The following NTNG1 variants were observed in gnomAD, a reference collection of about 807,000 sequenced individuals.
NTNG1 encodes netrin-G1.
Under a neutral mutation model 54.0 loss-of-function variants are expected in NTNG1, and 16 were observed. The ratio of observed to expected loss-of-function variants is 0.30; its 90% CI spans 0.20 to 0.45. The LOEUF is 0.45. NTNG1 is among the 20% of genes least tolerant of loss of function. The pLI is 1.00. For synonymous variants in NTNG1, 255 were observed against 263.1 expected (o/e 0.97, Z 0.30); for missense variants, 530 against 678.7 (o/e 0.78, Z 2.43).
At chr1:107,281,262 C>T (rs958999169) in intron 2 of NTNG1, among the ~76,000 whole-genome samples, 4 of 151,994 alleles carry the variant, frequency 2.6e-5, no homozygotes, top group African/African-American at 4.8e-5. Flanking sequence ...CTTCAGAGCC[C>T]CCAGTAGAGT....
intron 2 of NTNG1, among the ~76,000 whole-genome samples, chr1:107,314,292 G>C (rs1249124568): frequency 6.6e-6 from 1 of 152,070 alleles, no homozygotes; most frequent in Non-Finnish European, 1.5e-5. Flanking sequence ...CCAGCTACTC[G>C]GGAGGCTGAG....
At chr1:107,283,372 C>T (rs758783218) in intron 2 of NTNG1, among the ~76,000 whole-genome samples, 1 of 152,150 alleles carries the variant, frequency 6.6e-6, no homozygotes, top group Admixed American at 6.6e-5. Context: ...TGGGGCAACT[C>T]CTAACAGAGC....
At chr1:107,416,816 C>T (rs1674236234) in intron 5 of NTNG1, among the ~76,000 whole-genome samples, 1 of 152,006 alleles carries the variant, frequency 6.6e-6, no homozygotes, top group African/African-American at 2.4e-5. Context: ...TTGCAAACAT[C>T]ACCTCCACTT....
intron 3 of NTNG1, among the ~76,000 whole-genome samples, chr1:107,332,422 A>G (rs114996154): frequency 1.3e-3 from 192 of 152,224 alleles, no homozygotes; most frequent in African/African-American, 4.5e-3. Flanking sequence ...TCCCTCATTT[A>G]ACTTAGCATT....
At chr1:107,268,737 G>A (rs571082558) in intron 2 of NTNG1, among the ~76,000 whole-genome samples, 4 of 152,240 alleles carry the variant, frequency 2.6e-5, no homozygotes, top group African/African-American at 9.6e-5. Flanking sequence ...AAGATGAAAT[G>A]TCCAATTCCC....
chr1:107,400,777 T>A (rs556331674), intron 4 of NTNG1, among the ~76,000 whole-genome samples: 1 of 152,034 alleles, frequency 6.6e-6, no homozygotes, highest in Non-Finnish European at 1.5e-5. Flanking sequence ...GCCTCCCAAG[T>A]AGCTGGGATT....
chr1:107,242,374 T>G (rs1474370362), intron 2 of NTNG1, among the ~76,000 whole-genome samples: 1 of 152,162 alleles, frequency 6.6e-6, no homozygotes, highest in East Asian at 1.9e-4. Context: ...TTTCTATATA[T>G]GCATATATTA....
chr1:107,342,124 G>A (rs1173473671), intron 3 of NTNG1, among the ~76,000 whole-genome samples: 1 of 152,014 alleles, frequency 6.6e-6, no homozygotes, highest in African/African-American at 2.4e-5. Context: ...TTTATATTGA[G>A]TATATCCTAT....
At chr1:107,145,880 C>T (rs536696232) in intron 1 of NTNG1, among the ~76,000 whole-genome samples, 2 of 151,880 alleles carry the variant, frequency 1.3e-5, no homozygotes, top group South Asian at 2.1e-4. Flanking sequence ...AATGAGAATT[C>T]GTTATATTGG....
At chr1:107,468,341 G>T (rs1274889277) in intron 7 of NTNG1, among the ~76,000 whole-genome samples, 1 of 152,116 alleles carries the variant, frequency 6.6e-6, no homozygotes. Flanking sequence ...CAAAGGCATT[G>T]AAATTCTGCC....
chr1:107,197,660 T>G (rs1483699291), intron 2 of NTNG1, among the ~76,000 whole-genome samples: 1 of 151,952 alleles, frequency 6.6e-6, no homozygotes, highest in Non-Finnish European at 1.5e-5. Flanking sequence ...CTCCACTGGT[T>G]TTCCCTACAG....
intron 2 of NTNG1, among the ~76,000 whole-genome samples, chr1:107,152,533 G>T (rs1047827997): frequency 6.6e-6 from 1 of 152,138 alleles, no homozygotes; most frequent in Non-Finnish European, 1.5e-5. Context: ...CTAATTTTCT[G>T]GATAAGTTAA....
At chr1:107,265,554 A>G (rs1233840680) in intron 2 of NTNG1, among the ~76,000 whole-genome samples, 2 of 152,174 alleles carry the variant, frequency 1.3e-5, no homozygotes, top group African/African-American at 4.8e-5. Context: ...TAAATGTCAT[A>G]TGCAGATTCT....
intron 2 of NTNG1, among the ~76,000 whole-genome samples, chr1:107,183,009 G>A (rs1027747560): frequency 6.6e-6 from 1 of 152,258 alleles, no homozygotes; most frequent in African/African-American, 2.4e-5. Context: ...GGGATGATTT[G>A]TTTTGAGTAG....
rs929694939 is a variant in NTNG1, at chr1:107,296,856, A to G, written c.247-27426A>G. On this transcript the variant is annotated intron_variant, in intron 2 of 7. Coordinates refer to ENST00000370068, the MANE Select transcript of NTNG1 (RefSeq NM_001113226.3). ...AACTAAGGATGATTATAAAAAGATA[A>G]TCAGAGTACTTACCCTACAGGTTCC... Among the ~76,000 whole-genome samples, 4 of 149,224 alleles carry G rather than the reference A, an allele frequency of 2.7e-5. No individual in the cohort carries two copies. The East Asian group carries it at 5.8e-4, about 22-fold the overall frequency.
At chr1:107,173,332 G>A (rs910224021) in intron 2 of NTNG1, among the ~76,000 whole-genome samples, 15 of 152,028 alleles carry the variant, frequency 9.9e-5, no homozygotes, top group African/African-American at 3.6e-4. Context: ...AAAGACTGGT[G>A]ATTCTTTAGA....
At chr1:107,376,438 A>G (rs12042631) in intron 3 of NTNG1, among the ~76,000 whole-genome samples, 1 of 150,400 alleles carries the variant, frequency 6.6e-6, no homozygotes. Context: ...ACAAAAAAAA[A>G]AAATTTGCTA....
chr1:107,165,321 A>C (rs1251127587), intron 2 of NTNG1, among the ~76,000 whole-genome samples: 1 of 152,222 alleles, frequency 6.6e-6, no homozygotes, highest in East Asian at 1.9e-4. Flanking sequence ...GGAATTCACT[A>C]TATCTAACAG....
intron 2 of NTNG1, among the ~76,000 whole-genome samples, chr1:107,230,869 G>A (rs370021012): frequency 2.6e-5 from 4 of 152,078 alleles, no homozygotes; most frequent in African/African-American, 7.2e-5. Flanking sequence ...CAGTACTAAC[G>A]AATTTCAAAG....
Sources: gnomAD v4.1 joint callset for allele counts (sites outside exome capture counted in the v4.1 genomes callset) on GRCh38, gnomAD v4.1.1 for gene constraint, MANE v1.5 for transcripts, NCBI Gene and HGNC (gene_info 2026-07-23, HGNC 2026-07-21) for gene names.